The following FAM153A variants were observed in gnomAD, a reference collection of about 807,000 sequenced individuals.
FAM153A encodes the protein family with sequence similarity 153 member A.
Under a neutral mutation model 48.1 loss-of-function variants are expected in FAM153A, and 12 were observed. The ratio of observed to expected loss-of-function variants is 0.25; its 90% CI spans 0.16 to 0.40. The LOEUF (loss-of-function observed/expected upper bound fraction) is 0.40. FAM153A is among the 10% of genes least tolerant of loss of function. FAM153A has a pLI of 1.00. For synonymous variants in FAM153A, 36 were observed against 118.2 expected (o/e 0.30, Z 4.51); for missense variants, 111 against 345.8 (o/e 0.32, Z 5.38).
chr5:177,781,868 G>A (rs1215006931), upstream of FAM153A, among the ~76,000 whole-genome samples: 30 of 89,770 alleles, frequency 3.3e-4, no homozygotes, highest in Middle Eastern at 0.012. Flanking sequence ...ACAGGCGCCC[G>A]CCACCACGCC....
At chr5:177,761,298 G>C (rs754642856) in intron 1 of FAM153A, among the ~76,000 whole-genome samples, 1 of 151,688 alleles carries the variant, frequency 6.6e-6, no homozygotes, top group African/African-American at 2.4e-5. Context: ...AACTGCCAAC[G>C]AGGTTACAAT....
chr5:177,766,178 AAAGAC>A (rs1216765852), intron 1 of FAM153A, among the ~76,000 whole-genome samples: 1 of 106,806 alleles, frequency 9.4e-6, no homozygotes, highest in Admixed American at 9.9e-5. Context: ...AAAAAAAAAG[AAAGAC>A]AAGTACTGAG....
At chr5:177,759,090 A>G (rs1205794003) in intron 1 of FAM153A, among the ~76,000 whole-genome samples, 2 of 151,936 alleles carry the variant, frequency 1.3e-5, no homozygotes, top group Non-Finnish European at 2.9e-5. Context: ...ATAAAGGGCT[A>G]ATATCCAGAA....
At chr5:177,724,499 C>T in intron 19 of FAM153A, 137 bp from the exon 22 acceptor site, 2 of 620,668 alleles carry the variant, frequency 3.2e-6, no homozygotes, top group Non-Finnish European at 5.8e-6. Context: ...CTCTTCTGAC[C>T]CCAGCCCAGC....
At chr5:177,763,537 C>T (rs903411040) in intron 1 of FAM153A, 27 bp from the exon 4 acceptor site, 5 of 146,850 alleles carry the variant, frequency 3.4e-5, no homozygotes, top group African/African-American at 1.0e-4. Context: ...CAGCTATGAA[C>T]AGGTGGCCTG....
At chr5:177,753,215 C>T (rs772233517), upstream of FAM153A, 16 of 1,609,176 alleles carry the variant, frequency 9.9e-6, no homozygotes, top group Non-Finnish European at 1.3e-5. Context: ...ATTGTGAGTC[C>T]TCTGAGACAA....
downstream of FAM153A, among the ~76,000 whole-genome samples, chr5:177,719,396 G>A (rs1760628359): frequency 5.4e-5 from 8 of 147,940 alleles, no homozygotes; most frequent in South Asian, 1.7e-3. Context: ...TATCAAAAAA[G>A]TACAGACGAG....
intron 26 of FAM153A, chr5:177,713,178 A>G (rs1436348260): frequency 6.6e-6 from 1 of 151,968 alleles, no homozygotes; most frequent in Admixed American, 6.6e-5. Flanking sequence ...ATCCTAACAA[A>G]GAAAATAATC....
At chr5:177,702,528 A>G in the FAM153A span, among the ~76,000 whole-genome samples, 1 of 151,968 alleles carries the variant, frequency 6.6e-6, no homozygotes, top group African/African-American at 2.4e-5. Flanking sequence ...AGAAATTTGC[A>G]TACGTAAAAA....
chr5:177,706,821 A>G (rs1757923609), downstream of FAM153A: 1 of 151,960 alleles, frequency 6.6e-6, no homozygotes, highest in African/African-American at 2.4e-5. Flanking sequence ...AAAAGTAGAC[A>G]TTTTGGCAAA....
At chr5:177,718,403 T>C (rs1582193562), downstream of FAM153A, 1 of 114,074 alleles carries the variant, frequency 8.8e-6, no homozygotes, top group East Asian at 2.4e-4. Flanking sequence ...AGATCAACAG[T>C]GATTTTCTGT....
chr5:177,706,435 G>A (rs193217083), downstream of FAM153A, among the ~76,000 whole-genome samples: 10,789 of 151,724 alleles, frequency 0.071, 551 homozygotes, highest in South Asian at 0.14. Flanking sequence ...TCCTGACCTC[G>A]TGATCCACCC....
At chr5:177,737,209 G>A in intron 10 of FAM153A, 97 bp from the exon 13 acceptor site, 1 of 1,566,210 alleles carries the variant, frequency 6.4e-7, no homozygotes, top group Non-Finnish European at 8.6e-7. Flanking sequence ...GTGTGGAAAG[G>A]TGTGTTCACA....
chr5:177,749,398 T>A (rs1253005468), intron 2 of FAM153A, among the ~76,000 whole-genome samples: 1 of 118,016 alleles, frequency 8.5e-6, no homozygotes, highest in Non-Finnish European at 1.8e-5. Context: ...TTAGAAAAGA[T>A]CAATAGAATT....
intron 10 of FAM153A, 108 bp from the exon 13 acceptor site, chr5:177,737,220 G>A: frequency 1.3e-6 from 2 of 1,576,016 alleles, no homozygotes; most frequent in Non-Finnish European, 1.7e-6. Flanking sequence ...TGTGTTCACA[G>A]CACAGACTCA....
At chr5:177,756,257 A>G (rs1392454371), upstream of FAM153A, among the ~76,000 whole-genome samples, 1 of 149,274 alleles carries the variant, frequency 6.7e-6, no homozygotes, top group African/African-American at 2.5e-5. Flanking sequence ...ACATAATGGT[A>G]AAGGGATCAA....
the FAM153A span, among the ~76,000 whole-genome samples, chr5:177,701,793 C>CT: frequency 6.6e-6 from 1 of 151,706 alleles, no homozygotes. Flanking sequence ...CTTGGAACTT[C>CT]TTAGAGACTG....
chr5:177,717,026 T>A (rs1409547313), intron 24 of FAM153A: 1 of 147,870 alleles, frequency 6.8e-6, no homozygotes, highest in Non-Finnish European at 1.5e-5. Flanking sequence ...ACTTCTGGGC[T>A]CAAGCAATTC....
intron 10 of FAM153A, among the ~76,000 whole-genome samples, chr5:177,738,452 C>G (rs1334121648): frequency 1.3e-5 from 2 of 151,338 alleles, no homozygotes; most frequent in African/African-American, 4.9e-5. Context: ...ACATGAGAGA[C>G]AGTGTTTGGG....
Sources: gnomAD v4.1 joint callset for allele counts (sites outside exome capture counted in the v4.1 genomes callset) on GRCh38, gnomAD v4.1.1 for gene constraint, MANE v1.5 for transcripts, NCBI Gene and HGNC (gene_info 2026-07-23, HGNC 2026-07-21) for gene names.